SART3: variants seen among roughly 807,000 people sequenced by gnomAD.
SART3 encodes spliceosome associated factor 3, U4/U6 recycling protein.
A neutral mutation model predicts 122.3 loss-of-function variants in SART3; 44 were observed. The ratio of observed to expected loss-of-function variants is 0.36; its 90% CI spans 0.28 to 0.46. SART3 has a LOEUF of 0.46. SART3 is among the 20% of genes least tolerant of loss of function. The pLI, the probability that SART3 is intolerant of heterozygous loss-of-function variation, is 1.00. For missense variants in SART3, 1,101 were observed against 1,229.0 expected (o/e 0.90, Z 1.56); for synonymous variants, 442 against 454.0 (o/e 0.97, Z 0.34).
chr12:108,537,671 T>C, intron 8 of SART3, 76 bp from the exon 9 acceptor site: 2 of 1,025,852 alleles, frequency 1.9e-6, no homozygotes, highest in South Asian at 2.6e-5. Context: ...TTCTACTGAC[T>C]ATAAAACACT....
intron 1 of SART3, 184 bp from the exon 2 acceptor site, chr12:108,549,398 T>G (rs1461126037): frequency 1.6e-6 from 1 of 606,796 alleles, no homozygotes; most frequent in Non-Finnish European, 2.9e-6. Context: ...AAGAGGCTTT[T>G]GTAACAAACA....
At position 108,536,547 on chromosome 12, in the gene SART3, G is replaced by T. The variant is rs768057518; in HGVS notation, c.1413C>A (p.Ser471Arg). 6 of 1,614,166 alleles carry T rather than the reference G, an allele frequency of 3.7e-6. No homozygotes were observed. In the South Asian group the frequency reaches 6.6e-5, roughly 18 times the overall value. ...EERFNESGDP[S>R]CVIMQNWARI... Reference sequence around the variant, plus strand: ...TAGCCCAGTTCTGCATAATCACGCAGCTTGGATCACCACTCTCATTGAAAC... The same window carrying T: ...TAGCCCAGTTCTGCATAATCACGCATCTTGGATCACCACTCTCATTGAAAC... Residue 471 changes from serine (S) to arginine (R), a missense_variant, in exon 11 of 19, where the codon AGC becomes AGA. Physicochemically the swap from Ser to Arg is moderately radical, Grantham distance 110 (BLOSUM62 -1). Around this residue, in one of 2 missense-constraint regions of SART3, gnomAD observed 885 missense variants for 1,080.1 expected, o/e 0.82. Transcript: ENST00000546815.
Position 108,538,158 on chromosome 12 carries a change from G to A in SART3, c.1108C>T (p.Arg370Cys), listed in dbSNP as rs779663628. Residue 370 changes from arginine to cysteine, a missense_variant, in exon 8 of 19, where the codon CGC (arginine) becomes TGC (cysteine). Transcript: ENST00000546815. ...VKDLVLSVHN[R>C]AIRNCPWTVA... is the part of the protein sequence containing the mutation. ...GTCCAGGGGCAGTTTCTAATAGCGC[G>A]GTTATGTACAGATAAAACCAAATCC... 36 of 1,614,004 alleles carry A rather than the reference G, an allele frequency of 2.2e-5. No homozygotes were observed. Among genetic ancestry groups the A allele is most frequent in the African/African-American group, 6.7e-5 (5 of 74,904 alleles).
At chr12:108,529,319 T>A (rs758047240) in intron 15 of SART3, among the ~76,000 whole-genome samples, 2 of 151,754 alleles carry the variant, frequency 1.3e-5, no homozygotes, top group African/African-American at 4.8e-5. Context: ...ACACACACAC[T>A]CCCTACCCTC....
rs1213137932 is a variant in SART3 at position 108,538,125 on chromosome 12, A to C, written c.1141T>G (p.Leu381Val). Residue 381 changes from leucine to valine, a missense_variant, in exon 8 of 19, where the codon TTA (leucine) becomes GTA (valine). This residue lies in a region of SART3 where 885 missense variants were observed against 1,080.1 expected (regional missense o/e 0.82). Coordinates refer to ENST00000546815, the MANE Select transcript of SART3 (RefSeq NM_014706.4). ...AIRNCPWTVA[L>V]WSRYLLAMER... is the part of the protein sequence containing the mutation. Reference sequence around the variant, plus strand: ...ATGGCCAAGAGGTACCGACTCCATAAGGCAACTGTCCAGGGGCAGTTTCTA... The same window carrying C: ...ATGGCCAAGAGGTACCGACTCCATACGGCAACTGTCCAGGGGCAGTTTCTA... The C allele has an allele frequency of 1.2e-6, 2 of 1,614,202 alleles. No individual in the cohort carries two copies.
Position 108,525,614 on chromosome 12 carries a change from A to C in SART3, c.2371-5T>G. 6.2e-7 allele frequency: 1 copy of C among 1,613,858 alleles called. No homozygotes were observed. The highest frequency in any genetic ancestry group is 8.5e-7 in the Non-Finnish European group (1 of 1,179,734). ...GGAAGTGCTGTACCTGAACACCTAT[A>C]GGAAGAAGGAAGACAGAGAAAAACC... On this transcript the variant is annotated splice_polypyrimidine_tract_variant and splice_region_variant and intron_variant, in intron 16 of 18. Coordinates refer to ENST00000546815, the MANE Select transcript of SART3 (RefSeq NM_014706.4).
rs747755065 is a variant in SART3 at position 108,545,373 on chromosome 12, T to C, written c.545-50A>G. ...GTTTGGGATATAAAATACCCAAATA[T>C]CAAAACTGATGCATAACAAACGAAA... On this transcript the variant is annotated intron_variant, in intron 3 of 18. Transcript: ENST00000546815. The C allele has an allele frequency of 7.0e-6, 11 of 1,579,190 alleles. No individual in the cohort carries two copies. The South Asian group carries it at 8.9e-5, about 13-fold the overall frequency.
At position 108,522,779 on chromosome 12, in the gene SART3, T is replaced by G. The variant is rs1218770635; in HGVS notation, c.*678A>C. On this transcript the variant is annotated 3_prime_UTR_variant, in exon 19 of 19. Coordinates refer to ENST00000546815, the MANE Select transcript of SART3 (RefSeq NM_014706.4). ...AACAAAACCAAAGGGCTGAAACTCATGTTTAGACAACACAGGTCACTAGTC... is the reference window on the plus strand; with the variant it reads ...AACAAAACCAAAGGGCTGAAACTCAGGTTTAGACAACACAGGTCACTAGTC... The G allele has an allele frequency of 1.3e-5, 2 of 153,274 alleles. No individual in the cohort carries two copies. The highest frequency in any genetic ancestry group is 2.4e-5 in the African/African-American group (1 of 41,466). The allele number at this position is 153,274 out of a possible 1,614,324, so 9.5% of individuals were successfully genotyped here. A position where few individuals can be genotyped will look rare whatever the true frequency, so the allele number is the denominator to read the frequency against.
chr12:108,561,168 T>A lies in SART3; in HGVS notation c.-14A>T, dbSNP rs745813895. On this transcript the variant is annotated 5_prime_UTR_variant, in exon 1 of 19. Transcript: ENST00000546815. ...CGCAGTCGCCATCTTGCGCTTCTAA[T>A]GACTCTCGGGTCTTCCCGCGGCCGC... 6.2e-7 allele frequency: 1 copy of A among 1,612,006 alleles called. No individual in the cohort carries two copies. Among genetic ancestry groups the A allele is most frequent in the East Asian group, 2.2e-5 (1 of 44,816 alleles).
chr12:108,542,980 G>C, intron 6 of SART3, 48 bp downstream of exon 6: 1 of 1,612,884 alleles, frequency 6.2e-7, no homozygotes, highest in Non-Finnish European at 8.5e-7. Flanking sequence ...TATCCATCAG[G>C]GAAAGGTTTG....
chr12:108,537,880 A>C (rs1872986027), intron 8 of SART3, among the ~76,000 whole-genome samples, 185 bp downstream of exon 8: 1 of 152,240 alleles, frequency 6.6e-6, no homozygotes, highest in Non-Finnish European at 1.5e-5. Context: ...GAATATTAGC[A>C]TGTTAAAAAG....
chr12:108,532,378 GGAA>G, intron 12 of SART3, 44 bp from the exon 13 acceptor site: 31 of 1,558,740 alleles, frequency 2.0e-5, no homozygotes, highest in Non-Finnish European at 2.7e-5. Context: ...GACACAAAGT[GGAA>G]GGCACTCGAA....
chr12:108,561,146 A>T lies in SART3; in HGVS notation c.9T>A (p.Thr3=). 1 of 1,613,062 alleles carries T rather than the reference A, an allele frequency of 6.2e-7. No individual in the cohort carries two copies. Among genetic ancestry groups the T allele is most frequent in the Non-Finnish European group, 8.5e-7 (1 of 1,179,088 alleles). ...GTTCTGAAGCCGAGGTTTCGGCCGC[A>T]GTCGCCATCTTGCGCTTCTAATGAC... MA[T]AAETSASEPE... The change falls in exon 1 of 19, where the codon ACT becomes ACA. Residue 3 remains threonine, a synonymous_variant. Coordinates refer to ENST00000546815, the MANE Select transcript of SART3 (RefSeq NM_014706.4).
chr12:108,524,259 C>A (rs1178294231), intron 18 of SART3, 57 bp downstream of exon 18: 1 of 1,415,474 alleles, frequency 7.1e-7, no homozygotes, highest in African/African-American at 1.4e-5. Flanking sequence ...CCCCGTGATC[C>A]ATGAACTGGT....
At chr12:108,546,767 T>C (rs974920648) in intron 3 of SART3, among the ~76,000 whole-genome samples, 4 of 152,158 alleles carry the variant, frequency 2.6e-5, no homozygotes, top group African/African-American at 9.7e-5. Context: ...GGGATCCGCC[T>C]GCCTCAGTCT....
intron 1 of SART3, 62 bp downstream of exon 1, chr12:108,560,781 G>T: frequency 6.8e-7 from 1 of 1,471,320 alleles, no homozygotes. Flanking sequence ...AGGCGGGCCA[G>T]GACATGGGGA....
At chr12:108,542,222 AAAATAC>A (rs1221848861) in intron 6 of SART3, among the ~76,000 whole-genome samples, 1 of 152,180 alleles carries the variant, frequency 6.6e-6, no homozygotes, top group East Asian at 1.9e-4. Context: ...AGTAACCAAG[AAAATAC>A]AAATTAAAAC....
intron 1 of SART3, among the ~76,000 whole-genome samples, chr12:108,556,787 A>G (rs897338322): frequency 6.6e-6 from 1 of 152,252 alleles, no homozygotes; most frequent in Non-Finnish European, 1.5e-5. Context: ...TGAGAAGGAT[A>G]CACTTTCTTC....
chr12:108,554,709 T>C (rs2030146002), intron 1 of SART3, among the ~76,000 whole-genome samples: 1 of 149,438 alleles, frequency 6.7e-6, no homozygotes, highest in South Asian at 2.1e-4. Context: ...AATAATACAT[T>C]AAAATTCCTT....
Sources: allele counts gnomAD v4.1 joint callset (sites outside exome capture counted in the v4.1 genomes callset), GRCh38; gene constraint gnomAD v4.1.1; regional missense constraint gnomAD v4.1.1; transcripts MANE v1.5; gene names NCBI Gene and HGNC (gene_info 2026-07-23, HGNC 2026-07-21).